Variants in CEP112 observed in about 807,000 individuals in gnomAD.
The protein encoded by CEP112 is centrosomal protein of 112 kDa.
In CEP112, 127 loss-of-function variants were observed where a neutral mutation model predicts 153.0. The ratio of observed to expected loss-of-function variants is 0.83; its 90% CI spans 0.72 to 0.96. The LOEUF is 0.96. Ranked by LOEUF, CEP112 falls within the 40% of genes least tolerant of loss-of-function variation. The pLI is 0.00. For missense variants in CEP112, 1,089 were observed against 1,101.2 expected (o/e 0.99, Z 0.16); for synonymous variants, 358 against 374.4 (o/e 0.96, Z 0.51).
intron 16 of CEP112, among the ~76,000 whole-genome samples, chr17:66,021,329 A>G (rs1472113384): frequency 3.3e-5 from 5 of 152,190 alleles, no homozygotes; most frequent in African/African-American, 1.2e-4. Context: ...CCCCACAGCC[A>G]GAACTTAGAG....
At chr17:65,742,265 G>A (rs1031144961) in intron 23 of CEP112, among the ~76,000 whole-genome samples, 2 of 152,122 alleles carry the variant, frequency 1.3e-5, no homozygotes, top group Admixed American at 6.5e-5. Flanking sequence ...TCTTTGCTTT[G>A]TATGATTACT....
intron 21 of CEP112, chr17:65,826,347 A>G: frequency 1.9e-6 from 3 of 1,609,688 alleles, no homozygotes; most frequent in Non-Finnish European, 2.5e-6. Flanking sequence ...GAGAGCCCTC[A>G]GTGCAGGCTG....
intron 23 of CEP112, among the ~76,000 whole-genome samples, chr17:65,697,048 A>AT (rs2048395443): frequency 6.6e-6 from 1 of 152,146 alleles, no homozygotes; most frequent in South Asian, 2.1e-4. Flanking sequence ...AGGAAGGCCT[A>AT]TTTTTATTTT....
At chr17:65,735,473 G>A (rs1446777526) in intron 23 of CEP112, among the ~76,000 whole-genome samples, 1 of 152,146 alleles carries the variant, frequency 6.6e-6, no homozygotes, top group African/African-American at 2.4e-5. Context: ...AATCAATACA[G>A]ACGCTCTTCA....
chr17:66,092,074 C>G (rs1568481074), intron 8 of CEP112, among the ~76,000 whole-genome samples: 2 of 148,104 alleles, frequency 1.4e-5, no homozygotes, highest in South Asian at 4.3e-4. Context: ...GGGAGTCTTG[C>G]TCTATCACCC....
At chr17:66,041,005 A>C (rs1376789575) in intron 12 of CEP112, among the ~76,000 whole-genome samples, 2 of 152,140 alleles carry the variant, frequency 1.3e-5, no homozygotes, top group African/African-American at 4.8e-5. Flanking sequence ...TGGGTTTATT[A>C]AATGATGTGA....
intron 12 of CEP112, 111 bp downstream of exon 12, chr17:66,053,624 CT>C: frequency 9.1e-7 from 1 of 1,104,718 alleles, no homozygotes; most frequent in Non-Finnish European, 1.3e-6. Context: ...TAAAGTTTTT[CT>C]TTTGATTCTG....
At chr17:65,751,855 A>G (rs987558427) in intron 21 of CEP112, among the ~76,000 whole-genome samples, 2 of 152,200 alleles carry the variant, frequency 1.3e-5, no homozygotes, top group Admixed American at 1.3e-4. Flanking sequence ...TCACACAGCT[A>G]GGAAGTGATG....
intron 21 of CEP112, among the ~76,000 whole-genome samples, chr17:65,801,678 C>T (rs1002408787): frequency 2.0e-5 from 3 of 152,068 alleles, no homozygotes; most frequent in East Asian, 3.9e-4. Context: ...TCTTTAAGGG[C>T]TTTTAGTATT....
At chr17:65,982,807 C>T (rs2063275221) in intron 17 of CEP112, among the ~76,000 whole-genome samples, 1 of 152,138 alleles carries the variant, frequency 6.6e-6, no homozygotes, top group East Asian at 1.9e-4. Context: ...GTAGCAACAA[C>T]CCAAATGGCC....
intron 6 of CEP112, among the ~76,000 whole-genome samples, chr17:66,119,804 T>C (rs995104395): frequency 2.0e-5 from 3 of 152,204 alleles, no homozygotes; most frequent in African/African-American, 7.2e-5. Context: ...TTTTAATTTT[T>C]TTTAAGTGCC....
intron 21 of CEP112, among the ~76,000 whole-genome samples, chr17:65,782,379 A>G (rs1173939417): frequency 2.0e-5 from 3 of 152,214 alleles, no homozygotes; most frequent in African/African-American, 7.2e-5. Flanking sequence ...GAATGCTTAT[A>G]CACTGTTGGT....
At chr17:65,817,077 GT>G (rs1302888961) in intron 21 of CEP112, among the ~76,000 whole-genome samples, 1 of 151,698 alleles carries the variant, frequency 6.6e-6, no homozygotes, top group Non-Finnish European at 1.5e-5. Context: ...ACATACCTTT[GT>G]TTTTTTCTGC....
At chr17:65,791,116 T>G (rs1405423843) in intron 21 of CEP112, among the ~76,000 whole-genome samples, 1 of 152,150 alleles carries the variant, frequency 6.6e-6, no homozygotes, top group Admixed American at 6.6e-5. Flanking sequence ...TATTACAGCA[T>G]TAGTGTAAAT....
At chr17:66,001,060 C>T (rs1284892312) in intron 17 of CEP112, among the ~76,000 whole-genome samples, 1 of 152,194 alleles carries the variant, frequency 6.6e-6, no homozygotes, top group Non-Finnish European at 1.5e-5. Context: ...TGGGTTCTAT[C>T]ATTATCAAAT....
chr17:65,789,929 C>T (rs1018624726), intron 21 of CEP112, among the ~76,000 whole-genome samples: 4 of 152,188 alleles, frequency 2.6e-5, no homozygotes, highest in Non-Finnish European at 5.9e-5. Flanking sequence ...GCCCACCCTT[C>T]TACTCCAAGT....
chr17:66,097,449 C>T (rs1312506383), intron 6 of CEP112, among the ~76,000 whole-genome samples: 1 of 152,140 alleles, frequency 6.6e-6, no homozygotes, highest in Non-Finnish European at 1.5e-5. Context: ...GCCCTGTTCA[C>T]CACTCTATCC....
At chr17:66,118,929 G>T (rs2069437241) in intron 6 of CEP112, among the ~76,000 whole-genome samples, 1 of 151,890 alleles carries the variant, frequency 6.6e-6, no homozygotes, top group Non-Finnish European at 1.5e-5. Context: ...CAATAGCAAA[G>T]ACATGGAATC....
rs1208503011 is a variant in CEP112, at chr17:66,066,843, A to C, written c.890T>G (p.Leu297Arg). Residue 297 changes from leucine to arginine, a missense_variant, in exon 10 of 27, where the codon CTG (leucine) becomes CGG (arginine). Transcript: ENST00000535342. ...LERKNNEIEE[L>R]KTLYRSKQHE... Reference sequence around the variant, plus strand: ...TTGTTTACTCCTGTATAAAGTTTTCAGTTCTTCTATTTCATTATTCTTTCT... The same window carrying C: ...TTGTTTACTCCTGTATAAAGTTTTCCGTTCTTCTATTTCATTATTCTTTCT... 1 of 1,547,010 alleles carries C rather than the reference A, an allele frequency of 6.5e-7. No individual in the cohort carries two copies. Among genetic ancestry groups the C allele is most frequent in the Non-Finnish European group, 8.7e-7 (1 of 1,149,878 alleles).
Sources: gnomAD v4.1 joint callset for allele counts (sites outside exome capture counted in the v4.1 genomes callset) on GRCh38, gnomAD v4.1.1 for gene constraint, MANE v1.5 for transcripts, NCBI Gene and HGNC (gene_info 2026-07-23, HGNC 2026-07-21) for gene names.